TTC17: variants seen among roughly 807,000 people sequenced by gnomAD.
TTC17 encodes the protein tetratricopeptide repeat domain 17, also known as tetratricopeptide repeat protein 17.
A neutral mutation model predicts 143.8 loss-of-function variants in TTC17; 58 were observed. The observed-to-expected ratio is 0.40, with a 90% CI of 0.33 to 0.50. TTC17 has a LOEUF of 0.50. TTC17 is among the 20% of genes least tolerant of loss of function. TTC17 has a pLI of 0.49. For synonymous variants in TTC17, 501 were observed against 497.8 expected, an observed-to-expected ratio of 1.01 and a Z score of -0.09; for missense variants, 1,273 against 1,392.5, an observed-to-expected ratio of 0.91 and a Z score of 1.37.
rs141356687 is a variant in TTC17, at chr11:43,404,016, A to T, written c.1351A>T (p.Thr451Ser). Residue 451 changes from threonine (T) to serine (S), a missense_variant, in exon 11 of 24, where the codon ACC (threonine) becomes TCC (serine). Transcript: ENST00000039989. The part of the protein sequence containing the change: ...DYVQFGEDSS[T>S]SSMMSVNFDV... ...TTTCTAGTTTGGTGAGGATTCATCA[A>T]CCTCCAGTATGATGTCTGTGAACTT... The T allele has an allele frequency of 4.4e-6, 7 of 1,604,348 alleles. No homozygotes were observed. The highest frequency in any genetic ancestry group is 6.0e-6 in the Non-Finnish European group (7 of 1,176,270).
intron 21 of TTC17, among the ~76,000 whole-genome samples, chr11:43,475,150 A>T (rs1028887945): frequency 1.1e-4 from 16 of 152,144 alleles, no homozygotes; most frequent in Non-Finnish European, 1.9e-4. Flanking sequence ...TACATCCCTA[A>T]TGAGATTTAC....
intron 16 of TTC17, 77 bp downstream of exon 16, chr11:43,414,853 G>T (rs1414433489): frequency 1.4e-6 from 2 of 1,471,546 alleles, no homozygotes; most frequent in South Asian, 1.3e-5. Context: ...CACAGAAAAT[G>T]ATTTTCTCTA....
intron 16 of TTC17, among the ~76,000 whole-genome samples, chr11:43,427,465 G>T (rs1396589374): frequency 6.6e-6 from 1 of 152,302 alleles, no homozygotes; most frequent in Non-Finnish European, 1.5e-5. Flanking sequence ...GGTACCAAAT[G>T]ATGATGCTAT....
intron 18 of TTC17, among the ~76,000 whole-genome samples, chr11:43,447,244 G>A (rs1275493634): frequency 6.6e-6 from 1 of 152,032 alleles, no homozygotes; most frequent in Non-Finnish European, 1.5e-5. Flanking sequence ...AAAGAAAAAT[G>A]GAAAAAACTT....
chr11:43,394,846 G>A (rs894085854), intron 5 of TTC17, among the ~76,000 whole-genome samples: 9 of 152,058 alleles, frequency 5.9e-5, no homozygotes, highest in African/African-American at 2.2e-4. Flanking sequence ...TAGTTATCAA[G>A]CAGAGGGGGA....
intron 16 of TTC17, among the ~76,000 whole-genome samples, chr11:43,431,155 C>A (rs1947149717): frequency 6.6e-6 from 1 of 152,180 alleles, no homozygotes; most frequent in Non-Finnish European, 1.5e-5. Flanking sequence ...GCCACATTTT[C>A]TTAATCCAGT....
intron 18 of TTC17, among the ~76,000 whole-genome samples, chr11:43,445,050 A>G (rs1947511222): frequency 6.6e-6 from 1 of 152,232 alleles, no homozygotes; most frequent in Non-Finnish European, 1.5e-5. Context: ...AAATTTGTAA[A>G]CAACATAAAT....
chr11:43,484,009 G>T (rs1948334152), intron 21 of TTC17, among the ~76,000 whole-genome samples: 1 of 152,246 alleles, frequency 6.6e-6, no homozygotes, highest in South Asian at 2.1e-4. Flanking sequence ...AGGCGTGGTG[G>T]TGCAGCCCTG....
intron 21 of TTC17, among the ~76,000 whole-genome samples, chr11:43,464,152 C>T (rs575869272): frequency 2.0e-4 from 30 of 151,872 alleles, no homozygotes; most frequent in African/African-American, 6.8e-4. Context: ...TGGTGGTGCA[C>T]GCCTGTAATG....
chr11:43,398,709 G>A (rs1359386171), intron 8 of TTC17, among the ~76,000 whole-genome samples: 1 of 152,182 alleles, frequency 6.6e-6, no homozygotes, highest in Non-Finnish European at 1.5e-5. Context: ...AGTAGGGCTA[G>A]TTAAGAAACT....
At chr11:43,440,627 CTT>C (rs977648521) in intron 16 of TTC17, among the ~76,000 whole-genome samples, 5 of 152,158 alleles carry the variant, frequency 3.3e-5, no homozygotes, top group African/African-American at 1.2e-4. Flanking sequence ...TAATTGGTCT[CTT>C]TGTCTTCTGT....
chr11:43,418,778 T>C (rs1946835408), intron 16 of TTC17, among the ~76,000 whole-genome samples: 1 of 152,134 alleles, frequency 6.6e-6, no homozygotes, highest in Admixed American at 6.5e-5. Flanking sequence ...TGATTAAATA[T>C]TGAATCTGTA....
intron 1 of TTC17, among the ~76,000 whole-genome samples, chr11:43,367,424 A>G (rs899989791): frequency 2.6e-5 from 4 of 152,194 alleles, no homozygotes; most frequent in African/African-American, 7.2e-5. Flanking sequence ...TAAGCAGAAG[A>G]AAATAATCAG....
chr11:43,366,144 C>G (rs917171088), intron 1 of TTC17, among the ~76,000 whole-genome samples: 6 of 152,026 alleles, frequency 3.9e-5, no homozygotes, highest in African/African-American at 1.4e-4. Context: ...ATCTAGTTGT[C>G]TTTAATTCCT....
intron 1 of TTC17, among the ~76,000 whole-genome samples, chr11:43,367,132 T>C (rs1283235070): frequency 6.6e-6 from 1 of 152,214 alleles, no homozygotes; most frequent in African/African-American, 2.4e-5. Flanking sequence ...ATTTTAGTCA[T>C]CTGGGGACTA....
At chr11:43,465,336 T>G (rs887741910) in intron 21 of TTC17, among the ~76,000 whole-genome samples, 2 of 152,152 alleles carry the variant, frequency 1.3e-5, no homozygotes, top group African/African-American at 4.8e-5. Flanking sequence ...ATACTAGACA[T>G]TCAAGAGATG....
intron 1 of TTC17, among the ~76,000 whole-genome samples, chr11:43,359,638 A>G (rs963667435): frequency 6.6e-6 from 1 of 152,158 alleles, no homozygotes; most frequent in African/African-American, 2.4e-5. Context: ...TGTTGGTTTC[A>G]GCTTGTACCG....
intron 21 of TTC17, among the ~76,000 whole-genome samples, chr11:43,482,581 A>G (rs1476641996): frequency 2.0e-5 from 3 of 152,098 alleles, no homozygotes; most frequent in Admixed American, 2.0e-4. Flanking sequence ...AGCTTATTCA[A>G]GCTTGTTTTA....
intron 18 of TTC17, chr11:43,446,090 A>T: frequency 6.7e-7 from 1 of 1,495,504 alleles, no homozygotes; most frequent in Non-Finnish European, 8.9e-7. Flanking sequence ...CAAACTTCCT[A>T]GTGTGGTGTA....
Sources: gnomAD v4.1 joint callset for allele counts (sites outside exome capture counted in the v4.1 genomes callset) on GRCh38, gnomAD v4.1.1 for gene constraint, MANE v1.5 for transcripts, NCBI Gene and HGNC (gene_info 2026-07-23, HGNC 2026-07-21) for gene names.